Variants in NOL10 observed in about 807,000 individuals in gnomAD.
NOL10 encodes H_NH0074G24.1.
In NOL10, 58 loss-of-function variants were observed where a neutral mutation model predicts 103.5. The ratio of observed to expected loss-of-function variants is 0.56; its 90% CI spans 0.45 to 0.70. NOL10 has a LOEUF of 0.70. Ranked by LOEUF, NOL10 falls within the 30% of genes least tolerant of loss-of-function variation. The pLI is 0.00. For synonymous variants in NOL10, 287 were observed against 282.5 expected (o/e 1.02, Z -0.16); for missense variants, 763 against 807.3 (o/e 0.95, Z 0.67).
At chr2:10,594,681 T>C (rs769010275) in intron 17 of NOL10, among the ~76,000 whole-genome samples, 91 of 152,126 alleles carry the variant, frequency 6.0e-4, no homozygotes, top group Non-Finnish European at 5.3e-4. Flanking sequence ...AGATTACTAC[T>C]GACTCGGCTG....
Position 10,629,692 on chromosome 2 carries a change from G to A in NOL10, c.1026+14628C>T, listed in dbSNP as rs186336877. ...TCAATAGTCAATGGCAAAACTAATGGCACAACAGACCTCTCTCAATCTATA... is the reference window on the plus strand; with the variant it reads ...TCAATAGTCAATGGCAAAACTAATGACACAACAGACCTCTCTCAATCTATA... On this transcript the variant is annotated intron_variant, in intron 13 of 20. Coordinates refer to ENST00000381685, the MANE Select transcript of NOL10 (RefSeq NM_024894.4). 7.2e-5 allele frequency among the ~76,000 whole-genome samples: 11 copies of A among 152,290 alleles called. No homozygotes were observed. The East Asian group carries it at 2.1e-3, about 29-fold the overall frequency.
At chr2:10,611,269 C>A (rs1032104703) in intron 13 of NOL10, among the ~76,000 whole-genome samples, 6 of 152,162 alleles carry the variant, frequency 3.9e-5, no homozygotes, top group African/African-American at 1.4e-4. Flanking sequence ...TACCAACATG[C>A]TACAAGAAGG....
At chr2:10,632,278 G>A (rs1053689372) in intron 13 of NOL10, among the ~76,000 whole-genome samples, 1 of 152,176 alleles carries the variant, frequency 6.6e-6, no homozygotes, top group Non-Finnish European at 1.5e-5. Context: ...GGGAAATATA[G>A]ACGTAAAGAA....
intron 6 of NOL10, among the ~76,000 whole-genome samples, chr2:10,670,605 G>A (rs1327852127): frequency 1.3e-5 from 2 of 152,090 alleles, no homozygotes; most frequent in African/African-American, 4.8e-5. Flanking sequence ...CATGGTGGCA[G>A]GCGCCCATAG....
chr2:10,641,158 TAAAAATAC>T lies in NOL10; in HGVS notation c.1026+3154_1026+3161del, dbSNP rs1344889371. ...CAACATGGTGAAACCCCATCTCTACTAAAAATACAAAAATACAAAAAAAAAAAAAAAAA... is the reference window on the plus strand; with the variant it reads ...CAACATGGTGAAACCCCATCTCTACTAAAAATACAAAAAAAAAAAAAAAAA... On this transcript the variant is annotated intron_variant, in intron 13 of 20. Coordinates refer to ENST00000381685, the MANE Select transcript of NOL10 (RefSeq NM_024894.4). Among the ~76,000 whole-genome samples the T allele has an allele frequency of 1.2e-4, 14 of 113,132 alleles. 1 individual carries two copies. Among genetic ancestry groups the T allele is most frequent in the African/African-American group, 3.8e-4 (11 of 28,876 alleles). The allele number at this position is 113,132 out of a possible 152,430, so 74.2% of individuals were successfully genotyped here.
chr2:10,658,331 G>A (rs149962318), intron 10 of NOL10, among the ~76,000 whole-genome samples: 48 of 152,280 alleles, frequency 3.2e-4, no homozygotes, highest in African/African-American at 8.9e-4. Context: ...CTTCGGACCC[G>A]TCACTAGAGG....
At chr2:10,603,273 A>T in intron 14 of NOL10, 116 bp from the exon 15 acceptor site, 1 of 712,408 alleles carries the variant, frequency 1.4e-6, no homozygotes, top group Non-Finnish European at 2.4e-6. Context: ...CTAAAAATTT[A>T]AGGATTAGAA....
chr2:10,605,006 A>T (rs728135), intron 14 of NOL10, among the ~76,000 whole-genome samples: 1 of 152,072 alleles, frequency 6.6e-6, no homozygotes, highest in Non-Finnish European at 1.5e-5. Flanking sequence ...CCTAAAATAA[A>T]AGGGTGCTGA....
In NOL10 at chr2:10,589,431, AATAAG is replaced by A. The variant is rs1200086062; in HGVS notation, c.1596+142_1597-142del. ...GCATCAGGAGAAATGCCTTTAAATA[AATAAG>A]ATAATACTCCTAAGCCCAATGTCAA... On this transcript the variant is annotated intron_variant, in intron 18 of 20. Transcript: ENST00000381685. 6.4e-6 allele frequency: 8 copies of A among 1,254,042 alleles called. No individual in the cohort carries two copies. The African/African-American group carries it at 7.6e-5, about 12-fold the overall frequency. 77.7% of individuals were successfully genotyped at this position (1,254,042 alleles called of 1,614,324 possible).
chr2:10,619,403 C>G (rs1305603384), intron 13 of NOL10, among the ~76,000 whole-genome samples: 2 of 152,190 alleles, frequency 1.3e-5, no homozygotes, highest in African/African-American at 2.4e-5. Flanking sequence ...ATCCTCCCAC[C>G]TTGGCCTACC....
intron 19 of NOL10, among the ~76,000 whole-genome samples, chr2:10,585,289 G>C (rs1188423759): frequency 6.6e-6 from 1 of 152,196 alleles, no homozygotes; most frequent in Non-Finnish European, 1.5e-5. Flanking sequence ...AGGACTCCCA[G>C]TAAAACACCT....
At chr2:10,659,073 A>G (rs1680016693) in intron 10 of NOL10, 99 bp downstream of exon 10, 4 of 805,420 alleles carry the variant, frequency 5.0e-6, no homozygotes, top group Non-Finnish European at 8.4e-6. Flanking sequence ...CTAAAATAGT[A>G]TGATCTCATT....
At chr2:10,605,735 T>C (rs1676219880) in intron 14 of NOL10, among the ~76,000 whole-genome samples, 1 of 152,138 alleles carries the variant, frequency 6.6e-6, no homozygotes, top group African/African-American at 2.4e-5. Context: ...TGACAGCATA[T>C]TATGAAAATT....
intron 12 of NOL10, among the ~76,000 whole-genome samples, chr2:10,648,597 T>C (rs1190248879): frequency 6.6e-6 from 1 of 152,160 alleles, no homozygotes; most frequent in Non-Finnish European, 1.5e-5. Flanking sequence ...ACGACATCAC[T>C]TAACAATGGG....
At chr2:10,591,378 G>T (rs2024433) in intron 17 of NOL10, among the ~76,000 whole-genome samples, 4 of 152,058 alleles carry the variant, frequency 2.6e-5, no homozygotes, top group Middle Eastern at 3.4e-3. Context: ...AGGGGCCCTG[G>T]GGGGTGCAGC....
In NOL10 at chr2:10,596,263, C is replaced by T. The variant is rs61447318; in HGVS notation, c.1422+4590G>A. On this transcript the variant is annotated intron_variant, in intron 17 of 20. Coordinates refer to ENST00000381685, the MANE Select transcript of NOL10 (RefSeq NM_024894.4). The stretch of plus-strand genomic sequence containing the variant: ...GTTTTCCACAGATGGTGGTGGGGGG[C>T]GGGGGGCGGGCGCGAGGGAGTTTTG... Among the ~76,000 whole-genome samples the T allele has an allele frequency of 4.9e-4, 15 of 30,590 alleles. 3 individuals are homozygous for T. Among genetic ancestry groups the T allele is most frequent in the East Asian group, 3.4e-3 (3 of 880 alleles). 20.1% of individuals were successfully genotyped at this position (30,590 alleles called of 152,430 possible).
At chr2:10,612,854 A>G (rs760071303) in intron 13 of NOL10, among the ~76,000 whole-genome samples, 11 of 151,956 alleles carry the variant, frequency 7.2e-5, no homozygotes, top group Non-Finnish European at 1.5e-4. Context: ...CACATTTTTT[A>G]TATATTTTTT....
intron 15 of NOL10, 95 bp from the exon 16 acceptor site, chr2:10,602,969 G>A: frequency 1.7e-6 from 2 of 1,211,494 alleles, no homozygotes; most frequent in Non-Finnish European, 2.4e-6. Flanking sequence ...AGAACAGGCA[G>A]ATCCCCTACA....
At chr2:10,595,747 G>C (rs1675654161) in intron 17 of NOL10, among the ~76,000 whole-genome samples, 1 of 151,890 alleles carries the variant, frequency 6.6e-6, no homozygotes, top group African/African-American at 2.4e-5. Context: ...TGGGATTACA[G>C]GTACGCACCA....
Sources: gnomAD v4.1 joint callset for allele counts (sites outside exome capture counted in the v4.1 genomes callset) on GRCh38, gnomAD v4.1.1 for gene constraint, MANE v1.5 for transcripts, NCBI Gene and HGNC (gene_info 2026-07-23, HGNC 2026-07-21) for gene names.